LRRC74B: variants seen among roughly 807,000 people sequenced by gnomAD.
LRRC74B encodes the protein leucine rich repeat containing 74B, also known as leucine-rich repeat-containing protein 74B.
Under a neutral mutation model 16.6 loss-of-function variants are expected in LRRC74B, and 30 were observed. That is an observed-to-expected ratio of 1.80 (90% CI 1.35 to 2.45). LRRC74B has a LOEUF of 2.45. Ranked by LOEUF, LRRC74B falls within the 30% of genes most tolerant of loss-of-function variation. The probability of loss-of-function intolerance (pLI) is 0.00; values close to 1 mark genes in which losing one functional copy is unlikely to be tolerated. For synonymous variants in LRRC74B, 134 were observed against 86.0 expected (o/e 1.56, Z -3.09); for missense variants, 326 against 202.4 (o/e 1.61, Z -3.71).
At chr22:21,061,640 ATCAG>A (rs1227779540), downstream of LRRC74B, 1 of 152,238 alleles carries the variant, frequency 6.6e-6, no homozygotes, top group Non-Finnish European at 1.5e-5. Context: ...TTAAAAATCA[ATCAG>A]TCAATCACAT....
intron 6 of LRRC74B, chr22:21,053,754 G>C: frequency 3.8e-6 from 1 of 266,050 alleles, no homozygotes; most frequent in South Asian, 9.3e-5. Flanking sequence ...CTCCCAAGTA[G>C]CTGGGACTAC....
chr22:21,060,157 C>G (rs1204623987), intron 8 of LRRC74B, among the ~76,000 whole-genome samples: 1 of 152,086 alleles, frequency 6.6e-6, no homozygotes, highest in South Asian at 2.1e-4. Flanking sequence ...TGACACAGTA[C>G]GATCCCATTT....
chr22:21,055,915 C>T (rs1930487504), intron 7 of LRRC74B, among the ~76,000 whole-genome samples: 1 of 152,182 alleles, frequency 6.6e-6, no homozygotes, highest in South Asian at 2.1e-4. Flanking sequence ...ACGCATACCC[C>T]CCTCTAAGGG....
chr22:21,050,776 T>TC (rs1929962708), intron 4 of LRRC74B, among the ~76,000 whole-genome samples: 1 of 42,252 alleles, frequency 2.4e-5, no homozygotes, highest in African/African-American at 7.9e-5. Flanking sequence ...AGACTCTGTC[T>TC]CAAAAAAAAA....
At chr22:21,049,521 A>G (rs387381) in intron 4 of LRRC74B, 110 of 195,476 alleles carry the variant, frequency 5.6e-4, no homozygotes, top group East Asian at 1.9e-3. Flanking sequence ...GGGACCCCCT[A>G]CTTTAAAGAG....
At chr22:21,060,661 C>A (rs554533782), downstream of LRRC74B, 4 of 598,588 alleles carry the variant, frequency 6.7e-6, no homozygotes, top group Non-Finnish European at 1.2e-5. Flanking sequence ...TAAGTCCACA[C>A]GGTGCTCACA....
At chr22:21,051,837 T>C (rs1337550267) in intron 4 of LRRC74B, among the ~76,000 whole-genome samples, 2 of 152,170 alleles carry the variant, frequency 1.3e-5, no homozygotes. Flanking sequence ...CATTTGCAGT[T>C]TCCTGTGTCT....
At chr22:21,057,322 C>T (rs1930594221) in intron 8 of LRRC74B, 122 bp downstream of exon 8, 1 of 624,004 alleles carries the variant, frequency 1.6e-6, no homozygotes. Context: ...CACAGCGTGG[C>T]AGAAGCAGAG....
intron 4 of LRRC74B, among the ~76,000 whole-genome samples, chr22:21,050,606 G>T (rs374237344): frequency 6.6e-6 from 1 of 151,368 alleles, no homozygotes; most frequent in Non-Finnish European, 1.5e-5. Flanking sequence ...GTGAAATGCC[G>T]TCTCTACTAA....
At chr22:21,045,987 A>G (rs1311847610) in exon 1 of LRRC74B, 3 of 717,448 alleles carry the variant, frequency 4.2e-6, no homozygotes, top group South Asian at 1.5e-5. Flanking sequence ...GGTCGTAACC[A>G]TGAGGGGTTC....
intron 4 of LRRC74B, among the ~76,000 whole-genome samples, chr22:21,049,685 A>G (rs1929827086): frequency 6.6e-6 from 1 of 151,842 alleles, no homozygotes; most frequent in Non-Finnish European, 1.5e-5. Flanking sequence ...CAGTGTGCCT[A>G]GGCTAGGGAG....
chr22:21,048,300 C>A lies in LRRC74B; in HGVS notation c.415+284C>A, dbSNP rs959808354. ...CCTAGCACATGGGAGACTCCCAGTA[C>A]CTGAATGCAGGATGGGAGAGTCCTT... On this transcript the variant is annotated intron_variant, in intron 3 of 8. Coordinates refer to ENST00000442047, the Ensembl canonical transcript of LRRC74B. 3.9e-5 allele frequency: 17 copies of A among 430,588 alleles called. No homozygotes were observed. In the East Asian group the frequency reaches 8.0e-4, roughly 20 times the overall value. 26.7% of individuals were successfully genotyped at this position (430,588 alleles called of 1,614,324 possible).
chr22:21,050,524 A>G (rs2148143779), intron 4 of LRRC74B, among the ~76,000 whole-genome samples: 1 of 150,922 alleles, frequency 6.6e-6, no homozygotes, highest in East Asian at 2.0e-4. Flanking sequence ...CACGCCTGTA[A>G]TCCCAGCACT....
At chr22:21,055,331 C>T (rs1276930422) in intron 7 of LRRC74B, among the ~76,000 whole-genome samples, 155 bp downstream of exon 7, 1 of 152,158 alleles carries the variant, frequency 6.6e-6, no homozygotes, top group African/African-American at 2.4e-5. Flanking sequence ...GGGGCCTGGC[C>T]CTCCTCTTCT....
chr22:21,059,854 C>T (rs1304346634), intron 8 of LRRC74B, among the ~76,000 whole-genome samples: 1 of 151,934 alleles, frequency 6.6e-6, no homozygotes, highest in East Asian at 1.9e-4. Flanking sequence ...AGAAGGACTC[C>T]ATCAGTGCCA....
At position 21,046,130 on chromosome 22, in the gene LRRC74B, TC is replaced by T; in HGVS notation, c.139+6del. 1 of 716,474 alleles carries T rather than the reference TC, an allele frequency of 1.4e-6. No individual in the cohort carries two copies. The highest frequency in any genetic ancestry group is 1.5e-5 in the South Asian group (1 of 67,556). 44.4% of individuals were successfully genotyped at this position (716,474 alleles called of 1,614,324 possible). A position where few individuals can be genotyped will look rare whatever the true frequency, so the allele number is the denominator to read the frequency against. On this transcript the variant is annotated splice_donor_region_variant and intron_variant, in intron 1 of 8. Transcript: ENST00000442047. ...ACTCCGACCTGGAGACGGAAGGTGC[TC>T]GGGGGAGGGGGCAGGCCCGACTCCT...
chr22:21,051,363 C>T (rs1216738728), intron 4 of LRRC74B, among the ~76,000 whole-genome samples: 1 of 152,112 alleles, frequency 6.6e-6, no homozygotes, highest in African/African-American at 2.4e-5. Flanking sequence ...ATCTCTAGGT[C>T]TCGCTATTTT....
chr22:21,047,588 A>C (rs1601804617), intron 2 of LRRC74B, 90 bp downstream of exon 2: 1 of 663,588 alleles, frequency 1.5e-6, no homozygotes, highest in Non-Finnish European at 2.8e-6. Context: ...TGTCCCCTAC[A>C]CTCCCCAGCT....
intron 8 of LRRC74B, among the ~76,000 whole-genome samples, chr22:21,058,524 G>A (rs1482575477): frequency 1.3e-5 from 2 of 152,062 alleles, no homozygotes; most frequent in African/African-American, 4.8e-5. Flanking sequence ...AAAAAAAAAG[G>A]GAAGGAAACA....
Sources: allele counts gnomAD v4.1 joint callset (sites outside exome capture counted in the v4.1 genomes callset), GRCh38; gene constraint gnomAD v4.1.1; transcripts MANE v1.5; gene names NCBI Gene and HGNC (gene_info 2026-07-23, HGNC 2026-07-21).